Variants in MARCHF10 observed in about 807,000 individuals in gnomAD.
The protein encoded by MARCHF10 is membrane associated ring-CH-type finger 10.
MARCHF10 carries 64 observed loss-of-function variants against 76.2 expected under a neutral mutation model. The observed-to-expected ratio is 0.84, with a 90% CI of 0.69 to 1.03. The LOEUF is 1.03. MARCHF10 is among the 50% of genes least tolerant of loss of function. The probability of loss-of-function intolerance (pLI) is 0.00; values close to 1 mark genes in which losing one functional copy is unlikely to be tolerated. For missense variants in MARCHF10, 875 were observed against 958.0 expected (o/e 0.91, Z 1.14); for synonymous variants, 340 against 357.5 (o/e 0.95, Z 0.55).
chr17:62,718,250 G>C (rs917416973), intron 8 of MARCHF10, among the ~76,000 whole-genome samples: 1 of 152,218 alleles, frequency 6.6e-6, no homozygotes, highest in African/African-American at 2.4e-5. Flanking sequence ...CTGGGGAAGA[G>C]AGTAGGGTTT....
At chr17:62,720,275 T>C in intron 8 of MARCHF10, among the ~76,000 whole-genome samples, 1 of 152,208 alleles carries the variant, frequency 6.6e-6, no homozygotes, top group Non-Finnish European at 1.5e-5. Flanking sequence ...TAAAAGGAAC[T>C]GCTATAAATG....
At chr17:62,771,567 A>G (rs2092447704) in intron 3 of MARCHF10, among the ~76,000 whole-genome samples, 1 of 143,700 alleles carries the variant, frequency 7.0e-6, no homozygotes, top group Non-Finnish European at 1.5e-5. Flanking sequence ...TCTGCTTGTC[A>G]ATATCTATTT....
intron 5 of MARCHF10, among the ~76,000 whole-genome samples, chr17:62,739,118 G>A (rs1046434581): frequency 6.6e-6 from 1 of 152,094 alleles, no homozygotes; most frequent in African/African-American, 2.4e-5. Flanking sequence ...AGACAACATG[G>A]TGAAACCCCA....
intron 3 of MARCHF10, among the ~76,000 whole-genome samples, chr17:62,763,114 C>T (rs1599267332): frequency 6.6e-6 from 1 of 152,208 alleles, no homozygotes; most frequent in South Asian, 2.1e-4. Flanking sequence ...ACGCATAGCA[C>T]TTAGAACAGC....
chr17:62,762,746 A>G (rs1236883543), intron 3 of MARCHF10, among the ~76,000 whole-genome samples: 2 of 152,152 alleles, frequency 1.3e-5, no homozygotes, highest in Non-Finnish European at 2.9e-5. Context: ...GGGTTTCACC[A>G]TGTTGCCCAG....
chr17:62,718,519 T>C, intron 8 of MARCHF10, among the ~76,000 whole-genome samples: 1 of 152,196 alleles, frequency 6.6e-6, no homozygotes, highest in East Asian at 1.9e-4. Flanking sequence ...GTCAGTAGAT[T>C]GCTCTGATAG....
At chr17:62,751,292 C>A (rs1252937285) in intron 4 of MARCHF10, among the ~76,000 whole-genome samples, 1 of 152,272 alleles carries the variant, frequency 6.6e-6, no homozygotes, top group East Asian at 1.9e-4. Context: ...AACCTGTTTC[C>A]TCACCTGCAA....
At chr17:62,746,973 A>C (rs549917212) in intron 4 of MARCHF10, 10 of 1,535,814 alleles carry the variant, frequency 6.5e-6, no homozygotes, top group Middle Eastern at 1.7e-4. Flanking sequence ...GTCGGCTCTG[A>C]CTCTGCTTTG....
chr17:62,786,109 A>G (rs2092741250), intron 3 of MARCHF10, among the ~76,000 whole-genome samples: 1 of 152,210 alleles, frequency 6.6e-6, no homozygotes, highest in South Asian at 2.1e-4. Context: ...ACTATTCACA[A>G]TAGCAAAGAC....
intron 6 of MARCHF10, chr17:62,726,270 T>C (rs1457427981): frequency 1.3e-5 from 2 of 152,232 alleles, no homozygotes; most frequent in East Asian, 3.8e-4. Context: ...CTCACGGGAC[T>C]GGGGGCCATC....
chr17:62,792,689 C>CA (rs2092871365), intron 2 of MARCHF10, among the ~76,000 whole-genome samples: 3 of 148,882 alleles, frequency 2.0e-5, no homozygotes, highest in South Asian at 4.3e-4. Context: ...CCTCCATCAC[C>CA]ACCATCACCT....
intron 1 of MARCHF10, chr17:62,804,873 T>C (rs2093137977): frequency 6.6e-6 from 1 of 152,206 alleles, no homozygotes; most frequent in Non-Finnish European, 1.5e-5. Context: ...TGGGGAAACA[T>C]CAGGATGGGA....
chr17:62,736,672 C>T lies in MARCHF10; in HGVS notation c.1196G>A (p.Ser399Asn), dbSNP rs1021945281. 1.9e-6 allele frequency: 3 copies of T among 1,614,006 alleles called. No homozygotes were observed. The African/African-American group carries it at 4.0e-5, about 22-fold the overall frequency. ...GGATTTGGTGTCCCACGAAAGAGGG[C>T]TCTTTTTCGCATTTTCACTGCCACC... Reference protein sequence around the residue: ...DRGGSENAKKSPLSWDTKSEP... With the variant: ...DRGGSENAKKNPLSWDTKSEP... The change falls in exon 6 of 11, where the codon AGC becomes AAC. Residue 399 changes from serine to asparagine, a missense_variant. Physicochemically the swap from Ser to Asn is conservative, Grantham distance 46 (BLOSUM62 1). Transcript: ENST00000311269.
At position 62,736,616 on chromosome 17, in the gene MARCHF10, C is replaced by G; in HGVS notation, c.1252G>C (p.Glu418Gln). 2 of 1,614,208 alleles carry G rather than the reference C, an allele frequency of 1.2e-6. No homozygotes were observed. The highest frequency in any genetic ancestry group is 1.7e-6 in the Non-Finnish European group (2 of 1,180,030). ...GAAATACAATCACTCCATACATTTT[C>G]AGCATTGACACCAACCTCTTGTCTG... Reference protein sequence around the residue: ...EPRQEVGVNAENVWSDCISVE... With the variant: ...EPRQEVGVNAQNVWSDCISVE... Residue 418 changes from glutamate (E) to glutamine (Q), a missense_variant, in exon 6 of 11, where the codon GAA (glutamate) becomes CAA (glutamine). By Grantham distance (29) the Glu-to-Gln change is conservative (BLOSUM62 2). Coordinates refer to ENST00000311269, the MANE Select transcript of MARCHF10 (RefSeq NM_152598.4).
intron 4 of MARCHF10, among the ~76,000 whole-genome samples, chr17:62,745,809 G>A (rs377684191): frequency 6.6e-6 from 1 of 152,208 alleles, no homozygotes; most frequent in Non-Finnish European, 1.5e-5. Flanking sequence ...TAGCGTCAGT[G>A]CACGTGAATG....
chr17:62,801,790 T>C lies in MARCHF10; in HGVS notation c.-17-38A>G, dbSNP rs115345052. The C allele has an allele frequency of 3.1e-3, 4,405 of 1,413,006 alleles. 101 individuals carry two copies. In the African/African-American group the frequency reaches 0.055, roughly 18 times the overall value. The allele number at this position is 1,413,006 out of a possible 1,614,324, so 87.5% of individuals were successfully genotyped here. On this transcript the variant is annotated intron_variant, in intron 1 of 10. Transcript: ENST00000311269. Reference sequence around the variant, plus strand: ...GATAAACAAATGTGCTGTGTTAGAGTCCTTTGTCGTGATGCCGTATTTGGA... The same window carrying C: ...GATAAACAAATGTGCTGTGTTAGAGCCCTTTGTCGTGATGCCGTATTTGGA...
intron 4 of MARCHF10, among the ~76,000 whole-genome samples, chr17:62,752,097 C>T (rs2091914767): frequency 6.6e-6 from 1 of 151,914 alleles, no homozygotes; most frequent in Non-Finnish European, 1.5e-5. Flanking sequence ...TGCCATGCTA[C>T]AGAGGATTCG....
At chr17:62,805,431 G>A (rs1328023462) in intron 1 of MARCHF10, among the ~76,000 whole-genome samples, 2 of 152,118 alleles carry the variant, frequency 1.3e-5, no homozygotes, top group African/African-American at 2.4e-5. Flanking sequence ...CACTAAAGGG[G>A]AGCATCCCAG....
intron 10 of MARCHF10, chr17:62,705,268 A>G: frequency 7.1e-7 from 1 of 1,400,658 alleles, no homozygotes; most frequent in Non-Finnish European, 9.2e-7. Context: ...AACAAATCTT[A>G]TCTCATGCCG....
Sources: gnomAD v4.1 joint callset for allele counts (sites outside exome capture counted in the v4.1 genomes callset) on GRCh38, gnomAD v4.1.1 for gene constraint, MANE v1.5 for transcripts, NCBI Gene and HGNC (gene_info 2026-07-23, HGNC 2026-07-21) for gene names.